NELL2: variants seen among roughly 807,000 people sequenced by gnomAD.
NELL2 encodes the protein neural EGFL like 2, also known as protein kinase C-binding protein NELL2.
NELL2 carries 41 observed loss-of-function variants against 109.6 expected under a neutral mutation model. That is an observed-to-expected ratio of 0.37 (90% confidence interval 0.29 to 0.49). NELL2 has a LOEUF of 0.49. Among genes scored for constraint, NELL2 ranks in the 20% least tolerant of loss-of-function variants. NELL2 has a pLI of 0.98. For missense variants in NELL2, 900 were observed against 1,008.3 expected (o/e 0.89, Z 1.45); for synonymous variants, 355 against 344.7 (o/e 1.03, Z -0.33).
At chr12:44,715,972 TTTTTTC>T (rs1938465368) in intron 9 of NELL2, among the ~76,000 whole-genome samples, 1 of 152,080 alleles carries the variant, frequency 6.6e-6, no homozygotes, top group Admixed American at 6.6e-5. Flanking sequence ...TATTATTTAT[TTTTTTC>T]TTTTAGAGAC....
intron 15 of NELL2, among the ~76,000 whole-genome samples, chr12:44,604,623 C>A (rs2060842): frequency 1.3e-5 from 2 of 151,802 alleles, no homozygotes; most frequent in Non-Finnish European, 2.9e-5. Flanking sequence ...ACATCCTGTA[C>A]CCTCATGAGA....
chr12:44,660,179 C>G (rs1203138879), intron 13 of NELL2, among the ~76,000 whole-genome samples: 17 of 151,992 alleles, frequency 1.1e-4, no homozygotes, highest in Admixed American at 1.1e-3. Context: ...TATACAGGGC[C>G]TAAAGGAAAT....
intron 12 of NELL2, among the ~76,000 whole-genome samples, chr12:44,676,036 C>A (rs185831166): frequency 3.2e-4 from 49 of 152,144 alleles, no homozygotes; most frequent in African/African-American, 1.1e-3. Context: ...TTGATTATAT[C>A]CTGTAAAAAG....
chr12:44,684,616 T>C (rs1465598939), intron 12 of NELL2, among the ~76,000 whole-genome samples: 1 of 152,250 alleles, frequency 6.6e-6, no homozygotes, highest in African/African-American at 2.4e-5. Context: ...TGGTATGTTG[T>C]GTCTTTGTTC....
chr12:44,848,489 A>T (rs7979717), intron 2 of NELL2, among the ~76,000 whole-genome samples: 57,173 of 151,910 alleles, frequency 0.38, 11,171 homozygotes, highest in South Asian at 0.58. Context: ...TGGGCAAAGG[A>T]TATCAACCCC....
At chr12:44,600,247 G>A (rs1212539050) in intron 15 of NELL2, among the ~76,000 whole-genome samples, 2 of 150,872 alleles carry the variant, frequency 1.3e-5, no homozygotes, top group African/African-American at 4.9e-5. Flanking sequence ...CGGACCTCGT[G>A]ATCCGCCCGC....
chr12:44,917,295 T>A (rs1945835917), upstream of NELL2, among the ~76,000 whole-genome samples: 1 of 152,222 alleles, frequency 6.6e-6, no homozygotes, highest in African/African-American at 2.4e-5. Context: ...CATTATGACG[T>A]AGAAAGAGCA....
chr12:44,888,531 A>G (rs1945499987), intron 1 of NELL2, among the ~76,000 whole-genome samples: 1 of 151,934 alleles, frequency 6.6e-6, no homozygotes, highest in Non-Finnish European at 1.5e-5. Context: ...ATTAGAGACT[A>G]TAATGAATAA....
In NELL2 at chr12:44,786,903, A is replaced by T. The variant is rs571252479; in HGVS notation, c.336-6881T>A. On this transcript the variant is annotated intron_variant, in intron 3 of 19. Coordinates refer to ENST00000429094, the MANE Select transcript of NELL2 (RefSeq NM_001145108.2). Reference sequence around the variant, plus strand: ...GGGTGGGGGCAAGATGAGGGAGAGCATTAGGACAAATACCTAATGCATGCG... The same window carrying T: ...GGGTGGGGGCAAGATGAGGGAGAGCTTTAGGACAAATACCTAATGCATGCG... Among the ~76,000 whole-genome samples, 106 of 152,224 alleles carry T rather than the reference A, an allele frequency of 7.0e-4. No homozygotes were observed. In the South Asian group the frequency reaches 8.1e-3, roughly 12 times the overall value.
intron 12 of NELL2, among the ~76,000 whole-genome samples, chr12:44,675,537 C>T (rs1948278781): frequency 6.6e-6 from 1 of 152,162 alleles, no homozygotes; most frequent in South Asian, 2.1e-4. Context: ...TCCCTTTTAT[C>T]CTATTTGAAA....
chr12:44,564,300 T>G (rs1017663269), intron 15 of NELL2, among the ~76,000 whole-genome samples: 1 of 152,162 alleles, frequency 6.6e-6, no homozygotes, highest in Non-Finnish European at 1.5e-5. Flanking sequence ...TGGGGCAGCA[T>G]TTGAGGAGAT....
chr12:44,780,617 A>G (rs1032442942), intron 3 of NELL2, among the ~76,000 whole-genome samples: 3 of 151,944 alleles, frequency 2.0e-5, no homozygotes, highest in Non-Finnish European at 4.4e-5. Context: ...AGACCATACA[A>G]TGAGGAGCCT....
rs1017562020 is a variant in NELL2, at chr12:44,825,132, T to C, written c.185-8996A>G. On this transcript the variant is annotated intron_variant, in intron 2 of 19. Coordinates refer to ENST00000429094, the MANE Select transcript of NELL2 (RefSeq NM_001145108.2). ...ATACAAATTTTAGGATTGTTTCTTC[T>C]ATTTCTGTGGGAATATGTCATTGAA... 3.3e-5 allele frequency among the ~76,000 whole-genome samples: 5 copies of C among 152,174 alleles called. No homozygotes were observed. In the East Asian group the frequency reaches 9.6e-4, roughly 29 times the overall value.
chr12:44,721,025 A>G (rs1309927498), intron 9 of NELL2, among the ~76,000 whole-genome samples: 2 of 152,200 alleles, frequency 1.3e-5, no homozygotes, highest in Non-Finnish European at 2.9e-5. Context: ...GAATAGAACA[A>G]GAGCAAAAAT....
intron 13 of NELL2, among the ~76,000 whole-genome samples, chr12:44,625,405 A>G (rs1946218763): frequency 6.6e-6 from 1 of 152,080 alleles, no homozygotes; most frequent in Non-Finnish European, 1.5e-5. Context: ...CCAAGTAAAA[A>G]CAATATATAT....
intron 2 of NELL2, among the ~76,000 whole-genome samples, chr12:44,843,112 A>G (rs1033718734): frequency 6.6e-6 from 1 of 152,168 alleles, no homozygotes; most frequent in Non-Finnish European, 1.5e-5. Context: ...GAAAACAAAT[A>G]GCCAAGCTAC....
Position 44,872,586 on chromosome 12 carries a change from C to T in NELL2, c.184+2639G>A, listed in dbSNP as rs567022755. Among the ~76,000 whole-genome samples the T allele has an allele frequency of 3.3e-5, 5 of 152,028 alleles. No homozygotes were observed. The South Asian group carries it at 1.0e-3, about 32-fold the overall frequency. On this transcript the variant is annotated intron_variant, in intron 2 of 19. Coordinates refer to ENST00000429094, the MANE Select transcript of NELL2 (RefSeq NM_001145108.2). The stretch of plus-strand genomic sequence containing the variant: ...ACAAGGAAAAGCAATATTAAATGAG[C>T]AAAAATCACTGGGAAAGTATATGTT...
At chr12:44,755,321 A>G (rs1247758035) in intron 9 of NELL2, among the ~76,000 whole-genome samples, 1 of 152,188 alleles carries the variant, frequency 6.6e-6, no homozygotes, top group Non-Finnish European at 1.5e-5. Flanking sequence ...CACAAAAAAT[A>G]TCTGCTCTTT....
intron 3 of NELL2, among the ~76,000 whole-genome samples, chr12:44,783,043 A>G (rs1942023336): frequency 6.6e-6 from 1 of 151,990 alleles, no homozygotes; most frequent in Non-Finnish European, 1.5e-5. Flanking sequence ...AATCACTTAG[A>G]GTATGCTTTC....
Sources: allele counts gnomAD v4.1 joint callset (sites outside exome capture counted in the v4.1 genomes callset), GRCh38; gene constraint gnomAD v4.1.1; transcripts MANE v1.5; gene names NCBI Gene and HGNC (gene_info 2026-07-23, HGNC 2026-07-21).